FRY: variants seen among roughly 807,000 people sequenced by gnomAD.
FRY encodes protein furry homolog.
Under a neutral mutation model 348.4 loss-of-function variants are expected in FRY, and 128 were observed. That is an observed-to-expected ratio of 0.37 (90% confidence interval 0.32 to 0.43). The LOEUF (loss-of-function observed/expected upper bound fraction) is 0.43. Among genes scored for constraint, FRY ranks in the 20% least tolerant of loss-of-function variants. The pLI is 1.00. For synonymous variants in FRY, 1,370 were observed against 1,374.7 expected, an observed-to-expected ratio of 1.00 and a Z score of 0.08; for missense variants, 2,736 against 3,695.2, an observed-to-expected ratio of 0.74 and a Z score of 6.73.
At chr13:32,100,379 G>A (rs1351563207) in intron 2 of FRY, among the ~76,000 whole-genome samples, 10 of 151,904 alleles carry the variant, frequency 6.6e-5, no homozygotes, top group East Asian at 1.9e-4. Flanking sequence ...GCACCTGGCC[G>A]TGACTTTTTA....
At chr13:32,071,698 C>G (rs968943469) in intron 1 of FRY, among the ~76,000 whole-genome samples, 1 of 151,972 alleles carries the variant, frequency 6.6e-6, no homozygotes, top group African/African-American at 2.4e-5. Context: ...GGAATCCAAA[C>G]GTAGAATGGT....
intron 1 of FRY, among the ~76,000 whole-genome samples, chr13:32,046,818 C>G (rs980176213): frequency 6.6e-6 from 1 of 151,926 alleles, no homozygotes; most frequent in African/African-American, 2.4e-5. Context: ...CCTTTTTGAC[C>G]ACGAGATTCA....
In FRY at chr13:32,239,200, C is replaced by A; in HGVS notation, c.6419-52C>A. 8.8e-7 allele frequency: 1 copy of A among 1,139,126 alleles called. No homozygotes were observed. Among genetic ancestry groups the A allele is most frequent in the Non-Finnish European group, 1.3e-6 (1 of 748,664 alleles). The allele number at this position is 1,139,126 out of a possible 1,614,324, so 70.6% of individuals were successfully genotyped here. A position where few individuals can be genotyped will look rare whatever the true frequency, so the allele number is the denominator to read the frequency against. ...CTGTAACATGCCTTCCCACTGTTAA[C>A]AGCTAAAATATACCATATTCAGCTA... On this transcript the variant is annotated intron_variant, in intron 44 of 60. Coordinates refer to ENST00000542859, the MANE Select transcript of FRY (RefSeq NM_023037.3). This position sits in a 1 kb window ranked among gnomAD's most constrained non-coding sequence, Gnocchi z 4.3.
intron 7 of FRY, among the ~76,000 whole-genome samples, chr13:32,128,626 C>T (rs1475227506): frequency 6.6e-6 from 1 of 152,200 alleles, no homozygotes; most frequent in African/African-American, 2.4e-5. Context: ...TGAGTCTCTT[C>T]TTTGCCACTG....
At chr13:32,168,001 T>C (rs764224182) in intron 17 of FRY, among the ~76,000 whole-genome samples, 5 of 152,180 alleles carry the variant, frequency 3.3e-5, no homozygotes, top group Non-Finnish European at 7.3e-5. Flanking sequence ...TTGCAGTTTG[T>C]ATTAGAGTTC....
At chr13:32,086,069 G>A in intron 2 of FRY, 1 of 486,026 alleles carries the variant, frequency 2.1e-6, no homozygotes, top group Non-Finnish European at 4.1e-6. Flanking sequence ...CCGCCTCTGA[G>A]GGTTTTCAAA....
intron 51 of FRY, 66 bp from the exon 52 acceptor site, chr13:32,261,550 G>A (rs1470128821): frequency 8.0e-7 from 1 of 1,246,718 alleles, no homozygotes; most frequent in East Asian, 2.3e-5. Flanking sequence ...ATGACTAATT[G>A]AATGTGTGAA....
chr13:32,236,273 T>C (rs1886222018), intron 43 of FRY, 101 bp downstream of exon 43: 1 of 877,052 alleles, frequency 1.1e-6, no homozygotes. Flanking sequence ...AATCTAGTTT[T>C]TGAAGTATAT....
chr13:32,289,035 A>G (rs1484305415), intron 58 of FRY, among the ~76,000 whole-genome samples: 1 of 152,228 alleles, frequency 6.6e-6, no homozygotes, highest in Non-Finnish European at 1.5e-5. Context: ...GTGTATGATT[A>G]CTTTTTGATG....
chr13:32,218,379 A>G lies in FRY; in HGVS notation c.4683-370A>G, dbSNP rs143845838. Among the ~76,000 whole-genome samples the G allele has an allele frequency of 2.8e-4, 42 of 152,302 alleles. No individual in the cohort carries two copies. The East Asian group carries it at 7.5e-3, about 27-fold the overall frequency. On this transcript the variant is annotated intron_variant, in intron 35 of 60. Coordinates refer to ENST00000542859, the MANE Select transcript of FRY (RefSeq NM_023037.3). The stretch of plus-strand genomic sequence containing the variant: ...AAACCAACTGCTAAATCATAGTGTC[A>G]GTTTATGAGTAAGAGCGTAGGCTGG...
intron 28 of FRY, among the ~76,000 whole-genome samples, chr13:32,190,360 A>G (rs1345338140): frequency 2.6e-5 from 4 of 152,108 alleles, no homozygotes; most frequent in African/African-American, 9.7e-5. Flanking sequence ...GAATAATAAA[A>G]CATAAATAAA....
chr13:32,295,083 G>A (rs1380004656), intron 60 of FRY, 119 bp from the exon 61 acceptor site: 26 of 895,842 alleles, frequency 2.9e-5, no homozygotes, highest in Non-Finnish European at 4.8e-5. Flanking sequence ...CCTGATACAG[G>A]AATTCCATCT....
chr13:32,233,423 G>C (rs552454313), intron 41 of FRY, among the ~76,000 whole-genome samples: 1 of 152,302 alleles, frequency 6.6e-6, no homozygotes. Flanking sequence ...CTAGAATTCA[G>C]TCATGAGCTT....
At chr13:32,094,894 C>T (rs113737618) in intron 2 of FRY, among the ~76,000 whole-genome samples, 196 of 152,220 alleles carry the variant, frequency 1.3e-3, no homozygotes, top group Non-Finnish European at 2.3e-3. Context: ...CATATGGTAG[C>T]TCTATTTCTA....
At chr13:32,058,015 G>A (rs1334463959) in intron 1 of FRY, among the ~76,000 whole-genome samples, 1 of 152,092 alleles carries the variant, frequency 6.6e-6, no homozygotes. Flanking sequence ...CACAGAAGCA[G>A]AAAGGAAACT....
At chr13:32,254,911 C>G (rs1887257707) in intron 51 of FRY, among the ~76,000 whole-genome samples, 1 of 152,172 alleles carries the variant, frequency 6.6e-6, no homozygotes, top group African/African-American at 2.4e-5. Context: ...CAAGAGAGCT[C>G]TTTGCTCTGC....
chr13:32,249,107 G>A (rs1242039808), intron 48 of FRY, among the ~76,000 whole-genome samples: 1 of 152,150 alleles, frequency 6.6e-6, no homozygotes, highest in Non-Finnish European at 1.5e-5. Flanking sequence ...ATATAAATAA[G>A]TTAAATACAT....
At chr13:32,108,522 A>C (rs953911560) in intron 3 of FRY, among the ~76,000 whole-genome samples, 1 of 152,250 alleles carries the variant, frequency 6.6e-6, no homozygotes, top group Non-Finnish European at 1.5e-5. Flanking sequence ...TCACATAGAG[A>C]TATAAAATGA....
intron 8 of FRY, among the ~76,000 whole-genome samples, chr13:32,133,318 C>T (rs1472461212): frequency 6.6e-6 from 1 of 152,140 alleles, no homozygotes; most frequent in African/African-American, 2.4e-5. Context: ...TAACCCCTCC[C>T]ATCCTCACTT....
Sources: gnomAD v4.1 joint callset for allele counts (sites outside exome capture counted in the v4.1 genomes callset) on GRCh38, gnomAD v4.1.1 for gene constraint, Gnocchi (gnomAD v3.1) non-coding constraint, MANE v1.5 for transcripts, NCBI Gene and HGNC (gene_info 2026-07-23, HGNC 2026-07-21) for gene names.